The following FER1L5 variants were observed in gnomAD, a reference collection of about 807,000 sequenced individuals.
FER1L5 encodes fer-1-like protein 5.
In FER1L5, 187 loss-of-function variants were observed where a neutral mutation model predicts 279.9. The observed-to-expected ratio is 0.67, with a 90% CI of 0.59 to 0.75. FER1L5 has a LOEUF of 0.75. FER1L5 is among the 30% of genes least tolerant of loss of function. The probability of loss-of-function intolerance (pLI) is 0.00; values close to 1 mark genes in which losing one functional copy is unlikely to be tolerated. For synonymous variants in FER1L5, 921 were observed against 989.7 expected (o/e 0.93, Z 1.30); for missense variants, 2,091 against 2,594.4 (o/e 0.81, Z 4.21).
Position 96,698,719 on chromosome 2 carries a change from C to G in FER1L5, c.4405C>G (p.Pro1469Ala). 2 of 1,582,944 alleles carry G rather than the reference C, an allele frequency of 1.3e-6. No individual in the cohort carries two copies. The highest frequency in any genetic ancestry group is 2.3e-5 in the South Asian group (2 of 86,104). The change falls in exon 41 of 53, where the codon CCC (proline) becomes GCC (alanine). Residue 1469 changes from proline (P) to alanine (A), a missense_variant. Physicochemically the swap from Pro to Ala is conservative, Grantham distance 27. Coordinates refer to ENST00000624922, the MANE Select transcript of FER1L5 (RefSeq NM_001293083.2). The surrounding 1 kb of genome is among the most constrained non-coding windows in gnomAD (Gnocchi z 5.5). ...TCCTGAGAATCCAGAAGCCCCAAAG[C>G]CCCCGCTGCAGTTCTTGGTTTGGCC... ...PFPENPEAPKPPLQFLVWPER... is the reference protein window; with the variant it reads ...PFPENPEAPKAPLQFLVWPER...
At chr2:96,663,288 A>C (rs2076016279) in intron 13 of FER1L5, 151 bp from the exon 14 acceptor site, 2 of 682,270 alleles carry the variant, frequency 2.9e-6, no homozygotes, top group Non-Finnish European at 5.3e-6. Context: ...TGCTGCTGAG[A>C]AGTTGTGCAG....
In FER1L5 at chr2:96,693,623, A is replaced by ACC; in HGVS notation, c.3412_3413dup (p.Gln1139HisfsTer48). ...TTCCAGCACCTCCTTCTGTACGAGA[A>ACC]CCCACAGGACACCAAAGAGAGCCCA... On this transcript the variant is annotated frameshift_variant, in exon 32 of 53. Transcript: ENST00000624922. LOFTEE classifies it high-confidence loss of function. 1 of 1,551,640 alleles carries ACC rather than the reference A, an allele frequency of 6.4e-7. No homozygotes were observed. Among genetic ancestry groups the ACC allele is most frequent in the Non-Finnish European group, 8.7e-7 (1 of 1,146,974 alleles).
intron 14 of FER1L5, among the ~76,000 whole-genome samples, chr2:96,664,285 A>G (rs955358727): frequency 9.2e-5 from 14 of 152,142 alleles, no homozygotes; most frequent in Non-Finnish European, 1.8e-4. Context: ...CATAATGAAT[A>G]TATCTATCAC....
chr2:96,654,373 C>T, intron 8 of FER1L5, 73 bp from the exon 9 acceptor site: 1 of 398,220 alleles, frequency 2.5e-6, no homozygotes, highest in South Asian at 1.3e-4. Flanking sequence ...TGTGCCTTTG[C>T]TATACCTCTT....
At chr2:96,676,192 C>T (rs773864627) in intron 19 of FER1L5, among the ~76,000 whole-genome samples, 10 of 152,178 alleles carry the variant, frequency 6.6e-5, no homozygotes, top group Non-Finnish European at 1.3e-4. Context: ...TACTTTGCCA[C>T]CTTTGTTGAA....
At position 96,698,976 on chromosome 2, in the gene FER1L5, C is replaced by T. The variant is rs905341625; in HGVS notation, c.4519-69C>T. 5.6e-5 allele frequency: 86 copies of T among 1,539,814 alleles called. No individual in the cohort carries two copies. The highest frequency in any genetic ancestry group is 7.1e-5 in the Non-Finnish European group (80 of 1,134,730). ...CGAGGGGCTTGTTTCCACCCTCCTC[C>T]CACCCTCCCTGACAAACCTGGACGG... On this transcript the variant is annotated intron_variant, in intron 41 of 52. Coordinates refer to ENST00000624922, the MANE Select transcript of FER1L5 (RefSeq NM_001293083.2). This position sits in a 1 kb window ranked among gnomAD's most constrained non-coding sequence, Gnocchi z 5.5.
In FER1L5 at chr2:96,699,105, C is replaced by T. The variant is rs780127776; in HGVS notation, c.4579C>T (p.Gln1527Ter). The T allele has an allele frequency of 6.2e-7, 1 of 1,611,236 alleles. No homozygotes were observed. The highest frequency in any genetic ancestry group is 2.2e-5 in the East Asian group (1 of 44,776). The change falls in exon 42 of 53, where the codon CAG (glutamine) becomes TAG (stop). Residue 1527 changes from glutamine to a stop codon, truncating the protein, a stop_gained. Transcript: ENST00000624922. LOFTEE classifies it high-confidence loss of function. ...KTELGNRDMY[Q>*]PNTLDPIFGM... ...AGAGCTTGGCAACCGGGACATGTAC[C>T]AGCCCAACACTCTGGATCCCATCTT...
At chr2:96,684,486 C>T (rs1159373592) in intron 20 of FER1L5, 35 bp downstream of exon 20, 1 of 1,543,496 alleles carries the variant, frequency 6.5e-7, no homozygotes, top group South Asian at 1.2e-5. Flanking sequence ...GGGAAGACAC[C>T]TGTTTCAGAG....
chr2:96,697,486 T>A (rs774659783), intron 37 of FER1L5, 40 bp from the exon 38 acceptor site: 1 of 1,603,496 alleles, frequency 6.2e-7, no homozygotes, highest in Non-Finnish European at 8.5e-7. Flanking sequence ...AGCCCATGAG[T>A]GAGCTATGGC....
chr2:96,684,111 G>T (rs1424515425), intron 19 of FER1L5, among the ~76,000 whole-genome samples: 1 of 152,198 alleles, frequency 6.6e-6, no homozygotes, highest in Non-Finnish European at 1.5e-5. Context: ...ACTCTGGAAG[G>T]CCATGTGACA....
At chr2:96,654,685 G>A (rs755742076) in intron 9 of FER1L5, 189 bp downstream of exon 9, 1 of 337,842 alleles carries the variant, frequency 3.0e-6, no homozygotes, top group East Asian at 4.4e-5. Flanking sequence ...GGATCACGAG[G>A]TCAGGAGATC....
At chr2:96,663,790 C>G (rs1402357060) in intron 14 of FER1L5, among the ~76,000 whole-genome samples, 1 of 152,126 alleles carries the variant, frequency 6.6e-6, no homozygotes, top group Non-Finnish European at 1.5e-5. Context: ...CACCTGTAAT[C>G]CCAGCACTTT....
At chr2:96,700,609 C>T in intron 45 of FER1L5, 138 bp downstream of exon 45, 1 of 1,168,822 alleles carries the variant, frequency 8.6e-7, no homozygotes, top group Admixed American at 2.3e-5. Flanking sequence ...GCACAGAAGA[C>T]AAGCATGCTG....
chr2:96,694,077 TGGGAGAGA>T lies in FER1L5; in HGVS notation c.3636+9_3636+16del. On this transcript the variant is annotated splice_donor_region_variant and intron_variant, in intron 33 of 52. Transcript: ENST00000624922. The surrounding 1 kb of genome is among the most constrained non-coding windows in gnomAD (Gnocchi z 4.6). ...GAGCTGATCCTCCAGACTGAGGTAT[TGGGAGAGA>T]GGGCCTGGCTGGGAAGTGTGGCACT... 4 of 1,538,994 alleles carry T rather than the reference TGGGAGAGA, an allele frequency of 2.6e-6. No homozygotes were observed. Among genetic ancestry groups the T allele is most frequent in the Non-Finnish European group, 3.5e-6 (4 of 1,146,316 alleles).
Position 96,703,585 on chromosome 2 carries a change from G to A in FER1L5, c.5754G>A (p.Gly1918=). 6.2e-7 allele frequency: 1 copy of A among 1,613,948 alleles called. No individual in the cohort carries two copies. Residue 1918 remains glycine, a synonymous_variant, in exon 51 of 53, where the codon GGG becomes GGA. Coordinates refer to ENST00000624922, the MANE Select transcript of FER1L5 (RefSeq NM_001293083.2). ...SEKEALIKPA[G]RGQSEPNQYP... is the part of the protein sequence containing the mutation. ...AGGAAGCCTTAATCAAGCCAGCCGG[G>A]CGAGGCCAGTCGGAACCCAACCAGT...
At chr2:96,658,758 T>G (rs564023141) in intron 9 of FER1L5, among the ~76,000 whole-genome samples, 1 of 152,204 alleles carries the variant, frequency 6.6e-6, no homozygotes, top group East Asian at 1.9e-4. Flanking sequence ...ATTTAAACCT[T>G]CCTAACGACT....
chr2:96,678,149 G>T (rs567459217), intron 19 of FER1L5, among the ~76,000 whole-genome samples: 1 of 151,110 alleles, frequency 6.6e-6, no homozygotes, highest in Non-Finnish European at 1.5e-5. Context: ...TTTTGAGACC[G>T]AATCTCGCTC....
chr2:96,704,358 C>T lies in FER1L5; in HGVS notation c.5945C>T (p.Ala1982Val). ...ALMLFNFIYSAPHYLAMSWIK... is the reference protein window; with the variant it reads ...ALMLFNFIYSVPHYLAMSWIK... ...ATGCTGTTTAACTTCATCTATTCAG[C>T]TCCGGTGAGTGGCAGCCATGGGGGC... Residue 1982 changes from alanine to valine, a missense_variant, in exon 52 of 53, where the codon GCT (alanine) becomes GTT (valine). Ala to Val is a moderately conservative substitution (Grantham distance 64, BLOSUM62 0). Transcript: ENST00000624922. The T allele has an allele frequency of 6.2e-7, 1 of 1,613,804 alleles. No individual in the cohort carries two copies. The highest frequency in any genetic ancestry group is 8.5e-7 in the Non-Finnish European group (1 of 1,179,752).
chr2:96,684,540 C>G, intron 20 of FER1L5, 89 bp downstream of exon 20: 1 of 1,485,644 alleles, frequency 6.7e-7, no homozygotes, highest in Non-Finnish European at 9.0e-7. Context: ...TGGCAGGAAA[C>G]TGGTCACACA....
Sources: gnomAD v4.1 joint callset for allele counts (sites outside exome capture counted in the v4.1 genomes callset) on GRCh38, gnomAD v4.1.1 for gene constraint, Gnocchi (gnomAD v3.1) non-coding constraint, MANE v1.5 for transcripts, NCBI Gene and HGNC (gene_info 2026-07-23, HGNC 2026-07-21) for gene names.